Variants in CACNA2D1 observed in about 807,000 individuals in gnomAD.
CACNA2D1 encodes voltage-dependent calcium channel subunit alpha-2/delta-1.
Under a neutral mutation model 171.5 loss-of-function variants are expected in CACNA2D1, and 53 were observed. The ratio of observed to expected loss-of-function variants is 0.31; its 90% CI spans 0.25 to 0.39. CACNA2D1 has a LOEUF of 0.39. CACNA2D1 is among the 10% of genes least tolerant of loss of function. The pLI, the probability that CACNA2D1 is intolerant of heterozygous loss-of-function variation, is 1.00. For synonymous variants in CACNA2D1, 442 were observed against 443.1 expected (o/e 1.00, Z 0.03); for missense variants, 903 against 1,299.8 (o/e 0.69, Z 4.69).
At chr7:81,987,994 A>G (rs1477879314) in intron 21 of CACNA2D1, among the ~76,000 whole-genome samples, 3 of 152,294 alleles carry the variant, frequency 2.0e-5, no homozygotes, top group Non-Finnish European at 4.4e-5. Context: ...ACTGTGTATT[A>G]TCACTGGGTG....
chr7:82,220,080 G>A (rs1801582361), intron 3 of CACNA2D1, among the ~76,000 whole-genome samples: 1 of 152,074 alleles, frequency 6.6e-6, no homozygotes, highest in South Asian at 2.1e-4. Flanking sequence ...CATAAAATTA[G>A]AAATAGTGAT....
Position 81,964,060 on chromosome 7 carries a change from C to T in CACNA2D1, c.2776G>A (p.Ala926Thr), listed in dbSNP as rs768183773. Residue 926 changes from alanine to threonine, a missense_variant, in exon 34 of 39, where the codon GCC (alanine) becomes ACC (threonine). Transcript: ENST00000356860. ...LQIGWWATAA[A>T]WSILQQFLLS... ...AAAACTAAAATTTTGACTTACCAGG[C>T]AGCAGCAGTGGCCCACCAGCCAATT... is the stretch of plus-strand genomic sequence containing the variant. 3.1e-6 allele frequency: 5 copies of T among 1,611,496 alleles called. No individual in the cohort carries two copies. Among genetic ancestry groups the T allele is most frequent in the Non-Finnish European group, 3.4e-6 (4 of 1,178,332 alleles).
At chr7:82,323,741 C>T (rs1439325951) in intron 3 of CACNA2D1, among the ~76,000 whole-genome samples, 1 of 152,124 alleles carries the variant, frequency 6.6e-6, no homozygotes, top group Non-Finnish European at 1.5e-5. Context: ...CACTCCCTTT[C>T]CCCCATGCTG....
At chr7:82,078,030 T>G (rs774271278) in intron 7 of CACNA2D1, among the ~76,000 whole-genome samples, 4 of 152,038 alleles carry the variant, frequency 2.6e-5, no homozygotes, top group Non-Finnish European at 5.9e-5. Flanking sequence ...AAAAAGTCAT[T>G]CCATATACTT....
At chr7:82,212,392 A>T (rs1482193286) in intron 3 of CACNA2D1, among the ~76,000 whole-genome samples, 2 of 152,242 alleles carry the variant, frequency 1.3e-5, no homozygotes, top group African/African-American at 4.8e-5. Context: ...TAATTGATGC[A>T]TTGAATTTTA....
At chr7:82,261,354 G>A (rs1163442464) in intron 3 of CACNA2D1, among the ~76,000 whole-genome samples, 6 of 152,148 alleles carry the variant, frequency 3.9e-5, no homozygotes, top group Non-Finnish European at 7.4e-5. Context: ...TAAGTAGCAC[G>A]TTCACATGAC....
At chr7:82,201,974 TG>T (rs1490593829) in intron 3 of CACNA2D1, among the ~76,000 whole-genome samples, 1 of 152,116 alleles carries the variant, frequency 6.6e-6, no homozygotes, top group Non-Finnish European at 1.5e-5. Context: ...ACTAAGACAA[TG>T]ATACTGTCCT....
Position 82,038,215 on chromosome 7 carries a change from A to G in CACNA2D1, c.900T>C (p.Asp300=). Residue 300 remains aspartate (D), a synonymous_variant, in exon 11 of 39, where the codon GAT becomes GAC. Transcript: ENST00000356860. Reference sequence around the variant, plus strand: ...GGACAAGGTGCTGAAAACAGCTTACATCCTGAGCATTGCTGTTAAACTGCA... The same window carrying G: ...GGACAAGGTGCTGAAAACAGCTTACGTCCTGAGCATTGCTGTTAAACTGCA... The part of the protein sequence containing the change: ...NVASFNSNAQ[D]VSCFQHLVQA... 1 of 1,613,488 alleles carries G rather than the reference A, an allele frequency of 6.2e-7. No individual in the cohort carries two copies. The highest frequency in any genetic ancestry group is 8.5e-7 in the Non-Finnish European group (1 of 1,179,708).
intron 5 of CACNA2D1, among the ~76,000 whole-genome samples, chr7:82,120,633 T>G (rs1789611645): frequency 6.6e-6 from 1 of 152,072 alleles, no homozygotes; most frequent in African/African-American, 2.4e-5. Flanking sequence ...TTCTGGCACT[T>G]TGGGAGGCCA....
chr7:82,013,481 C>A lies in CACNA2D1; in HGVS notation c.1252G>T (p.Ala418Ser). Reference sequence around the variant, plus strand: ...CATACCTGAGTATTGATTCTTATTGCACCAATGGAAGGAATTTCATAATAA... The same window carrying A: ...CATACCTGAGTATTGATTCTTATTGAACCAATGGAAGGAATTTCATAATAA... ...GYYYEIPSIG[A>S]IRINTQEYLD... Residue 418 changes from alanine (A) to serine (S), a missense_variant, in exon 14 of 39, where the codon GCA becomes TCA. This residue lies in a region of CACNA2D1 where 623 missense variants were observed against 925.5 expected (regional missense o/e 0.67). Coordinates refer to ENST00000356860, the MANE Select transcript of CACNA2D1 (RefSeq NM_000722.4). 3 of 1,083,664 alleles carry A rather than the reference C, an allele frequency of 2.8e-6. No individual in the cohort carries two copies. The highest frequency in any genetic ancestry group is 3.9e-6 in the Non-Finnish European group (3 of 778,532). 67.1% of individuals were successfully genotyped at this position (1,083,664 alleles called of 1,614,324 possible).
chr7:82,181,624 G>A (rs1320732675), intron 3 of CACNA2D1, among the ~76,000 whole-genome samples: 1 of 152,168 alleles, frequency 6.6e-6, no homozygotes, highest in Non-Finnish European at 1.5e-5. Context: ...TCAAGGAAAA[G>A]TTTTAGATTA....
intron 4 of CACNA2D1, among the ~76,000 whole-genome samples, chr7:82,143,211 G>A (rs547086694): frequency 6.6e-6 from 1 of 152,202 alleles, no homozygotes; most frequent in African/African-American, 2.4e-5. Context: ...AATAAAGATG[G>A]ACACAAGACC....
chr7:81,970,951 T>A, intron 26 of CACNA2D1: 1 of 540,368 alleles, frequency 1.9e-6, no homozygotes, highest in South Asian at 2.1e-5. Flanking sequence ...CTGAGGTGCA[T>A]TTTGAACATG....
intron 3 of CACNA2D1, among the ~76,000 whole-genome samples, chr7:82,256,367 A>G (rs1012946300): frequency 2.0e-5 from 3 of 152,190 alleles, no homozygotes; most frequent in African/African-American, 7.2e-5. Context: ...TTCTTGTGGA[A>G]TGATTCCATT....
At chr7:82,111,483 T>C (rs1788463886) in intron 6 of CACNA2D1, among the ~76,000 whole-genome samples, 1 of 141,776 alleles carries the variant, frequency 7.1e-6, no homozygotes, top group Non-Finnish European at 1.5e-5. Flanking sequence ...GGTCTCACTC[T>C]GTCACCCAGA....
intron 4 of CACNA2D1, among the ~76,000 whole-genome samples, chr7:82,147,487 A>G (rs1057323313): frequency 6.6e-6 from 1 of 152,154 alleles, no homozygotes; most frequent in Non-Finnish European, 1.5e-5. Flanking sequence ...ATCTCCTTTA[A>G]TCTGTAATTC....
intron 1 of CACNA2D1, among the ~76,000 whole-genome samples, chr7:82,441,839 C>A (rs1364783010): frequency 6.6e-6 from 1 of 152,174 alleles, no homozygotes; most frequent in Admixed American, 6.5e-5. Flanking sequence ...TGAGTTCTCA[C>A]TTTACAGGCC....
chr7:82,057,866 G>A (rs1375488097), intron 10 of CACNA2D1, among the ~76,000 whole-genome samples: 1 of 152,082 alleles, frequency 6.6e-6, no homozygotes, highest in Non-Finnish European at 1.5e-5. Flanking sequence ...GAAAAGATGA[G>A]TATGAATTAT....
chr7:82,209,823 T>C (rs1242338839), intron 3 of CACNA2D1, among the ~76,000 whole-genome samples: 1 of 152,198 alleles, frequency 6.6e-6, no homozygotes, highest in African/African-American at 2.4e-5. Flanking sequence ...AAATCTTGCC[T>C]CTTTGTTTCT....
Sources: allele counts gnomAD v4.1 joint callset (sites outside exome capture counted in the v4.1 genomes callset), GRCh38; gene constraint gnomAD v4.1.1; regional missense constraint gnomAD v4.1.1; transcripts MANE v1.5; gene names NCBI Gene and HGNC (gene_info 2026-07-23, HGNC 2026-07-21).